B3GALT1: variants seen among roughly 807,000 people sequenced by gnomAD.
B3GALT1 encodes the protein beta-1,3-galactosyltransferase 1.
In B3GALT1, 10 loss-of-function variants were observed where a neutral mutation model predicts 23.2. The ratio of observed to expected loss-of-function variants is 0.43; its 90% CI spans 0.27 to 0.73. The LOEUF is 0.73. Among genes scored for constraint, B3GALT1 ranks in the 30% least tolerant of loss-of-function variants. B3GALT1 has a pLI of 0.21. For missense variants in B3GALT1, 299 were observed against 405.4 expected (o/e 0.74, Z 2.25); for synonymous variants, 156 against 141.5 (o/e 1.10, Z -0.73).
chr2:167,619,070 AT>A (rs1320373487), intron 2 of B3GALT1, among the ~76,000 whole-genome samples: 1 of 151,742 alleles, frequency 6.6e-6, no homozygotes, highest in Non-Finnish European at 1.5e-5. Context: ...GTTGTCAATG[AT>A]TTTCTAATTC....
chr2:167,383,997 T>G (rs1697882544), intron 1 of B3GALT1, among the ~76,000 whole-genome samples: 1 of 152,210 alleles, frequency 6.6e-6, no homozygotes, highest in Non-Finnish European at 1.5e-5. Flanking sequence ...TGCAAACTAT[T>G]TGCACATAGG....
rs914020364 is a variant in B3GALT1, at chr2:167,435,518, A to G, written c.-510-54659A>G. 6.0e-5 allele frequency among the ~76,000 whole-genome samples: 9 copies of G among 151,136 alleles called. No individual in the cohort carries two copies. In the South Asian group the frequency reaches 1.9e-3, roughly 32 times the overall value. ...GAGTTAGGATGCGAGGAGAAATCAC[A>G]AGAACCTTGGATATCCAAAAATGTT... On this transcript the variant is annotated intron_variant, in intron 1 of 4. Transcript: ENST00000392690.
At chr2:167,659,127 C>A (rs1231618336) in intron 3 of B3GALT1, among the ~76,000 whole-genome samples, 1 of 151,926 alleles carries the variant, frequency 6.6e-6, no homozygotes, top group Non-Finnish European at 1.5e-5. Context: ...TTTGGAAAAA[C>A]CAAAAAACCA....
chr2:167,533,587 A>G (rs1056983533), intron 2 of B3GALT1, among the ~76,000 whole-genome samples: 2 of 152,126 alleles, frequency 1.3e-5, no homozygotes, highest in African/African-American at 2.4e-5. Context: ...GTCCCTGATG[A>G]TGAGGGATAT....
chr2:167,297,126 C>T (rs1330884007), intron 1 of B3GALT1, among the ~76,000 whole-genome samples: 1 of 152,040 alleles, frequency 6.6e-6, no homozygotes. Flanking sequence ...TGATATCTGT[C>T]CTTTAAAATA....
chr2:167,813,177 A>G (rs1688926622), intron 3 of B3GALT1, among the ~76,000 whole-genome samples: 1 of 152,200 alleles, frequency 6.6e-6, no homozygotes, highest in African/African-American at 2.4e-5. Flanking sequence ...ATATAACAGG[A>G]GAGGAAATAA....
intron 4 of B3GALT1, among the ~76,000 whole-genome samples, chr2:167,820,297 G>A (rs1689078809): frequency 6.6e-6 from 1 of 152,202 alleles, no homozygotes; most frequent in South Asian, 2.1e-4. Flanking sequence ...GTAGTGAAGA[G>A]GTGGAACCTG....
intron 1 of B3GALT1, among the ~76,000 whole-genome samples, chr2:167,390,171 G>A (rs1307536767): frequency 2.0e-5 from 3 of 152,122 alleles, no homozygotes. Flanking sequence ...TATCTGAGAG[G>A]CTGAATCCAG....
chr2:167,566,825 G>C (rs141665119), intron 2 of B3GALT1, among the ~76,000 whole-genome samples: 1 of 152,114 alleles, frequency 6.6e-6, no homozygotes, highest in East Asian at 1.9e-4. Context: ...TGTGCCCTCT[G>C]GGGGTAGGAG....
At chr2:167,831,745 A>G (rs1689359341) in intron 4 of B3GALT1, among the ~76,000 whole-genome samples, 1 of 152,218 alleles carries the variant, frequency 6.6e-6, no homozygotes, top group Non-Finnish European at 1.5e-5. Flanking sequence ...TAAATGAGGA[A>G]GAGAGATCAG....
intron 3 of B3GALT1, among the ~76,000 whole-genome samples, chr2:167,676,480 T>C (rs183302530): frequency 0.017 from 2,470 of 149,428 alleles, 63 homozygotes; most frequent in African/African-American, 0.057. Context: ...TATATATATA[T>C]ACACACACAC....
At chr2:167,419,225 C>T (rs1287410248) in intron 1 of B3GALT1, among the ~76,000 whole-genome samples, 2 of 152,176 alleles carry the variant, frequency 1.3e-5, no homozygotes, top group African/African-American at 4.8e-5. Context: ...TTGAGAACTA[C>T]TGTGATTTCA....
chr2:167,335,204 CG>C (rs1304201734), intron 1 of B3GALT1, among the ~76,000 whole-genome samples: 2 of 150,978 alleles, frequency 1.3e-5, no homozygotes, highest in South Asian at 2.1e-4. Context: ...AAACGGTGGG[CG>C]GGGAGGGGGG....
intron 1 of B3GALT1, among the ~76,000 whole-genome samples, chr2:167,428,990 A>T (rs1698665096): frequency 6.6e-6 from 1 of 152,074 alleles, no homozygotes; most frequent in Admixed American, 6.6e-5. Context: ...TAAAGAAATA[A>T]ATGTTTTGGC....
chr2:167,433,650 AGT>A (rs1234742066), intron 1 of B3GALT1, among the ~76,000 whole-genome samples: 1 of 152,244 alleles, frequency 6.6e-6, no homozygotes, highest in African/African-American at 2.4e-5. Flanking sequence ...AAAATTAAAG[AGT>A]GTATTGATTT....
chr2:167,820,890 ATTCCTGGCGATGC>A (rs1283460095), intron 4 of B3GALT1, among the ~76,000 whole-genome samples: 2 of 152,194 alleles, frequency 1.3e-5, no homozygotes, highest in African/African-American at 2.4e-5. Context: ...GTTTGTTTAT[ATTCCTGGCGATGC>A]TTTAAGACAG....
intron 2 of B3GALT1, among the ~76,000 whole-genome samples, chr2:167,640,540 A>C (rs1343015250): frequency 1.0e-5 from 1 of 95,738 alleles, no homozygotes; most frequent in African/African-American, 3.4e-5. Context: ...TTTTACTGTA[A>C]GTTTGATTTT....
At chr2:167,843,731 T>G (rs2105403646) in intron 4 of B3GALT1, among the ~76,000 whole-genome samples, 1 of 152,278 alleles carries the variant, frequency 6.6e-6, no homozygotes, top group Admixed American at 6.5e-5. Flanking sequence ...ACCCATAAAT[T>G]GCAGGTTTCA....
chr2:167,353,821 G>C (rs754902450), intron 1 of B3GALT1, among the ~76,000 whole-genome samples: 23 of 152,068 alleles, frequency 1.5e-4, no homozygotes, highest in Non-Finnish European at 1.6e-4. Flanking sequence ...TTGGTTATCT[G>C]ATACCTCCTA....
Sources: allele counts gnomAD v4.1 joint callset (sites outside exome capture counted in the v4.1 genomes callset), GRCh38; gene constraint gnomAD v4.1.1; transcripts MANE v1.5; gene names NCBI Gene and HGNC (gene_info 2026-07-23, HGNC 2026-07-21).